Variants in NUFIP1 observed in about 807,000 individuals in gnomAD.
NUFIP1 encodes the protein FMR1-interacting protein NUFIP1.
Under a neutral mutation model 56.2 loss-of-function variants are expected in NUFIP1, and 38 were observed. That is an observed-to-expected ratio of 0.68 (90% CI 0.52 to 0.89). NUFIP1 has a LOEUF of 0.89. Ranked by LOEUF, NUFIP1 falls within the 40% of genes least tolerant of loss-of-function variation. The pLI is 0.00. For synonymous variants in NUFIP1, 215 were observed against 212.4 expected, an observed-to-expected ratio of 1.01 and a Z score of -0.10; for missense variants, 567 against 605.8, an observed-to-expected ratio of 0.94 and a Z score of 0.67.
chr13:44,975,236 A>C (rs1007076386), intron 5 of NUFIP1, among the ~76,000 whole-genome samples: 3 of 152,114 alleles, frequency 2.0e-5, no homozygotes, highest in Middle Eastern at 3.4e-3. Context: ...TCTGTTCCAT[A>C]TTCCCAGTTT....
rs186180057 is a variant in NUFIP1, at chr13:44,943,378, C to A, written c.1371+64G>T. ...CACACACACACACACACACACACAC[C>A]CCAGTGGCTCTATCTTTATGATGTG... is the stretch of plus-strand genomic sequence containing the variant. On this transcript the variant is annotated intron_variant, in intron 9 of 9. Transcript: ENST00000379161. 6.9e-6 allele frequency: 9 copies of A among 1,295,684 alleles called. No individual in the cohort carries two copies. The Middle Eastern group carries it at 7.7e-4, about 110-fold the overall frequency. The allele number at this position is 1,295,684 out of a possible 1,614,324, so 80.3% of individuals were successfully genotyped here. A position where few individuals can be genotyped will look rare whatever the true frequency, so the allele number is the denominator to read the frequency against.
intron 5 of NUFIP1, among the ~76,000 whole-genome samples, chr13:44,976,889 A>C (rs893862570): frequency 3.9e-5 from 6 of 152,208 alleles, no homozygotes; most frequent in African/African-American, 1.2e-4. Context: ...CACTCCCTTG[A>C]CAATTCACTA....
chr13:44,988,636 C>T (rs530437675), intron 1 of NUFIP1, among the ~76,000 whole-genome samples: 1 of 152,186 alleles, frequency 6.6e-6, no homozygotes, highest in African/African-American at 2.4e-5. Flanking sequence ...CTGCTATATA[C>T]CCAGATTCTG....
intron 8 of NUFIP1, among the ~76,000 whole-genome samples, chr13:44,944,480 G>A (rs1246202010): frequency 6.6e-6 from 1 of 152,072 alleles, no homozygotes; most frequent in Non-Finnish European, 1.5e-5. Context: ...AAGAGAATTA[G>A]ACAAATCCAT....
chr13:44,940,540 A>C lies in NUFIP1; in HGVS notation c.*666T>G, dbSNP rs1160381471. ...ATTCCCTGGTATTATAGGAGACAAAAAGATCTCAATAGCTTTCATTTACTT... is the reference window on the plus strand; with the variant it reads ...ATTCCCTGGTATTATAGGAGACAAACAGATCTCAATAGCTTTCATTTACTT... On this transcript the variant is annotated 3_prime_UTR_variant, in exon 10 of 10. Coordinates refer to ENST00000379161, the MANE Select transcript of NUFIP1 (RefSeq NM_012345.3). The C allele has an allele frequency of 6.6e-6, 1 of 152,230 alleles. No individual in the cohort carries two copies. The highest frequency in any genetic ancestry group is 1.9e-4 in the East Asian group (1 of 5,198). The allele number at this position is 152,230 out of a possible 1,614,324, so 9.4% of individuals were successfully genotyped here. A position where few individuals can be genotyped will look rare whatever the true frequency, so the allele number is the denominator to read the frequency against.
intron 5 of NUFIP1, among the ~76,000 whole-genome samples, chr13:44,974,121 A>G (rs1871892018): frequency 6.6e-6 from 1 of 152,234 alleles, no homozygotes. Context: ...TTTGCACCAC[A>G]AAACAACAAA....
intron 7 of NUFIP1, among the ~76,000 whole-genome samples, chr13:44,954,616 C>T (rs1045549601): frequency 3.9e-5 from 6 of 152,164 alleles, no homozygotes; most frequent in Non-Finnish European, 5.9e-5. Context: ...ATCCGTACCC[C>T]CTGCCCACCA....
chr13:44,952,866 C>T (rs1400362896), intron 7 of NUFIP1, among the ~76,000 whole-genome samples: 1 of 152,190 alleles, frequency 6.6e-6, no homozygotes, highest in Non-Finnish European at 1.5e-5. Context: ...AAATCTGTGA[C>T]AGTTTCTCAG....
Position 44,979,882 on chromosome 13 carries a change from G to A in NUFIP1, c.657+8C>T, listed in dbSNP as rs754821385. 1.3e-6 allele frequency: 2 copies of A among 1,583,216 alleles called. No individual in the cohort carries two copies. Among genetic ancestry groups the A allele is most frequent in the Non-Finnish European group, 1.7e-6 (2 of 1,167,560 alleles). ...TATTTAAAAATAGGATAAAAAAACA[G>A]AACTTACATTTCTCCAATGGAACTG... On this transcript the variant is annotated splice_region_variant and intron_variant, in intron 4 of 9. Transcript: ENST00000379161.
chr13:44,989,054 G>C lies in NUFIP1; in HGVS notation c.383C>G (p.Pro128Arg). The C allele has an allele frequency of 6.2e-7, 1 of 1,614,152 alleles. No homozygotes were observed. The highest frequency in any genetic ancestry group is 1.3e-5 in the African/African-American group (1 of 75,066). ...AGGGTTGAAGGACTTCTGATGCCGA[G>C]GAAACCTATCAGAAGACTGTCTCCA... ...WYWRQSSDRF[P>R]RHQKSFNPAV... The change falls in exon 1 of 10, where the codon CCT becomes CGT. Residue 128 changes from proline (P) to arginine (R), a missense_variant. Coordinates refer to ENST00000379161, the MANE Select transcript of NUFIP1 (RefSeq NM_012345.3).
chr13:44,977,541 G>T (rs189124781), intron 5 of NUFIP1, among the ~76,000 whole-genome samples: 1 of 152,300 alleles, frequency 6.6e-6, no homozygotes, highest in African/African-American at 2.4e-5. Flanking sequence ...CATAGAGGTG[G>T]TGAAAAGTAA....
At chr13:44,963,007 T>C (rs969997623) in intron 6 of NUFIP1, among the ~76,000 whole-genome samples, 3 of 152,098 alleles carry the variant, frequency 2.0e-5, no homozygotes, top group African/African-American at 7.2e-5. Flanking sequence ...CTAACCCGTT[T>C]CTCAGAATGT....
Position 44,979,881 on chromosome 13 carries a change from A to G in NUFIP1, c.657+9T>C. On this transcript the variant is annotated intron_variant, in intron 4 of 9. Coordinates refer to ENST00000379161, the MANE Select transcript of NUFIP1 (RefSeq NM_012345.3). Reference sequence around the variant, plus strand: ...GTATTTAAAAATAGGATAAAAAAACAGAACTTACATTTCTCCAATGGAACT... The same window carrying G: ...GTATTTAAAAATAGGATAAAAAAACGGAACTTACATTTCTCCAATGGAACT... 1.9e-6 allele frequency: 3 copies of G among 1,582,984 alleles called. No individual in the cohort carries two copies. The highest frequency in any genetic ancestry group is 1.7e-6 in the Non-Finnish European group (2 of 1,167,684).
At chr13:44,974,171 A>C (rs1871893529) in intron 5 of NUFIP1, among the ~76,000 whole-genome samples, 1 of 152,138 alleles carries the variant, frequency 6.6e-6, no homozygotes, top group South Asian at 2.1e-4. Flanking sequence ...GGTCAAGTCA[A>C]CTCCTTAAGT....
intron 4 of NUFIP1, 99 bp downstream of exon 4, chr13:44,979,791 G>T: frequency 1.3e-6 from 1 of 773,250 alleles, no homozygotes; most frequent in Non-Finnish European, 2.0e-6. Flanking sequence ...TACTCCATTA[G>T]TGTTACCTAT....
chr13:44,971,020 C>T (rs1233578987), intron 5 of NUFIP1, among the ~76,000 whole-genome samples: 1 of 152,068 alleles, frequency 6.6e-6, no homozygotes, highest in Admixed American at 6.6e-5. Context: ...AGTATTTATG[C>T]ATTTTTGAGA....
In NUFIP1 at chr13:44,986,156, G is replaced by A. The variant is rs553777117; in HGVS notation, c.412+2869C>T. On this transcript the variant is annotated intron_variant, in intron 1 of 9. Transcript: ENST00000379161. ...TGAAAGAAATCCACAGTGATTCATA[G>A]ATAGTGATTCCTCTAATGGATCTGA... Among the ~76,000 whole-genome samples, 4 of 152,308 alleles carry A rather than the reference G, an allele frequency of 2.6e-5. No individual in the cohort carries two copies. The South Asian group carries it at 8.3e-4, about 32-fold the overall frequency.
At chr13:44,956,097 T>C (rs979532615) in intron 7 of NUFIP1, among the ~76,000 whole-genome samples, 1 of 148,790 alleles carries the variant, frequency 6.7e-6, no homozygotes, top group African/African-American at 2.5e-5. Context: ...TGAGCCGAGA[T>C]TGCGCCACTG....
chr13:44,983,931 T>G (rs910650991), intron 1 of NUFIP1, among the ~76,000 whole-genome samples: 5 of 152,194 alleles, frequency 3.3e-5, no homozygotes, highest in African/African-American at 1.2e-4. Context: ...TCAAGAACTA[T>G]GAGCCAAATA....
Sources: allele counts gnomAD v4.1 joint callset (sites outside exome capture counted in the v4.1 genomes callset), GRCh38; gene constraint gnomAD v4.1.1; transcripts MANE v1.5; gene names NCBI Gene and HGNC (gene_info 2026-07-23, HGNC 2026-07-21).